Variants in DDX25 observed in about 807,000 individuals in gnomAD.
DDX25 encodes DEAD-box helicase 25.
A neutral mutation model predicts 64.6 loss-of-function variants in DDX25; 70 were observed. That is an observed-to-expected ratio of 1.08 (90% CI 0.89 to 1.32). DDX25 has a LOEUF of 1.32. DDX25 is among the 40% of genes most tolerant of loss of function. The pLI is 0.00. For synonymous variants in DDX25, 211 were observed against 213.3 expected (o/e 0.99, Z 0.09); for missense variants, 587 against 604.4 (o/e 0.97, Z 0.30).
Position 125,907,374 on chromosome 11 carries a change from C to T in DDX25, c.312-822C>T, listed in dbSNP as rs923626651. Among the ~76,000 whole-genome samples the T allele has an allele frequency of 1.2e-3, 180 of 152,192 alleles. 3 individuals are homozygous for T. Among genetic ancestry groups the T allele is most frequent in the Admixed American group, 0.011 (166 of 15,290 alleles). ...CTGTAATCCCAGCACTTTGGGAGGC[C>T]AAGGGGGGCGGATCACGAGGTCAGG... On this transcript the variant is annotated intron_variant, in intron 4 of 11. Coordinates refer to ENST00000263576, the MANE Select transcript of DDX25 (RefSeq NM_013264.5).
rs774961972 is a variant in DDX25, at chr11:125,922,950, A to AT, written c.*76dup. 835 of 1,426,134 alleles carry AT rather than the reference A, an allele frequency of 5.9e-4. No individual in the cohort carries two copies. Among genetic ancestry groups the AT allele is most frequent in the Non-Finnish European group, 7.3e-4 (768 of 1,050,670 alleles). 88.3% of individuals were successfully genotyped at this position (1,426,134 alleles called of 1,614,324 possible). A position where few individuals can be genotyped will look rare whatever the true frequency, so the allele number is the denominator to read the frequency against. On this transcript the variant is annotated 3_prime_UTR_variant, in exon 12 of 12. Transcript: ENST00000263576. ...AATGTCTCAGTGGGTTTTGAAGGTA[A>AT]TTTTTTTATGTTGAGGCTTTTTCGA...
intron 8 of DDX25, among the ~76,000 whole-genome samples, chr11:125,915,738 C>T (rs1176953204): frequency 6.6e-6 from 1 of 152,114 alleles, no homozygotes; most frequent in Non-Finnish European, 1.5e-5. Context: ...TCAGTTCTTT[C>T]CCCCTGATTC....
At chr11:125,913,812 A>C (rs1452319149) in intron 8 of DDX25, among the ~76,000 whole-genome samples, 1 of 152,144 alleles carries the variant, frequency 6.6e-6, no homozygotes, top group East Asian at 1.9e-4. Context: ...CTTTCCCCAA[A>C]GTGACCAACT....
intron 3 of DDX25, 47 bp downstream of exon 3, chr11:125,905,644 G>A (rs765373115): frequency 2.0e-5 from 30 of 1,518,394 alleles, no homozygotes; most frequent in Admixed American, 3.9e-5. Context: ...TTCTGTTTCC[G>A]TTTATAACTT....
Position 125,904,511 on chromosome 11 carries a change from C to T in DDX25, c.-7C>T, listed in dbSNP as rs987103229. 7 of 1,485,636 alleles carry T rather than the reference C, an allele frequency of 4.7e-6. No individual in the cohort carries two copies. Among genetic ancestry groups the T allele is most frequent in the Non-Finnish European group, 4.5e-6 (5 of 1,117,590 alleles). 92.0% of individuals were successfully genotyped at this position (1,485,636 alleles called of 1,614,324 possible). Reference sequence around the variant, plus strand: ...ACGTGCTGGGGGCGGGAGCAGCAATCGCAGCCATGGCGTCGTTACTGTGGG... The same window carrying T: ...ACGTGCTGGGGGCGGGAGCAGCAATTGCAGCCATGGCGTCGTTACTGTGGG... On this transcript the variant is annotated 5_prime_UTR_variant, in exon 1 of 12. Coordinates refer to ENST00000263576, the MANE Select transcript of DDX25 (RefSeq NM_013264.5).
chr11:125,920,721 AGTT>A (rs1429073483), intron 10 of DDX25, among the ~76,000 whole-genome samples: 1 of 152,144 alleles, frequency 6.6e-6, no homozygotes, highest in Non-Finnish European at 1.5e-5. Context: ...CCAGTCTGGA[AGTT>A]GTTGTAACCA....
At chr11:125,908,909 AG>A (rs1356621039) in intron 6 of DDX25, among the ~76,000 whole-genome samples, 1 of 152,130 alleles carries the variant, frequency 6.6e-6, no homozygotes, top group Non-Finnish European at 1.5e-5. Context: ...GATTTAATGA[AG>A]TAATTTACGT....
upstream of DDX25, chr11:125,904,291 GCT>G: frequency 2.8e-6 from 1 of 361,450 alleles, no homozygotes; most frequent in Non-Finnish European, 4.9e-6. Context: ...CCTCCGCCCC[GCT>G]CTCTGCCCTC....
intron 8 of DDX25, among the ~76,000 whole-genome samples, chr11:125,913,215 CCTCT>C (rs1944989894): frequency 6.6e-6 from 1 of 151,776 alleles, no homozygotes; most frequent in South Asian, 2.1e-4. Flanking sequence ...TTCCAAGCTC[CCTCT>C]CTCCAGCTTC....
Position 125,918,807 on chromosome 11 carries a change from A to G in DDX25, c.1201+17A>G, listed in dbSNP as rs1447872216. ...GTGCCCGAGGTGTGTGTTAAAAGTC[A>G]GGTCTTGAGTTCTAATTTGCATATG... On this transcript the variant is annotated intron_variant, in intron 10 of 11. Coordinates refer to ENST00000263576, the MANE Select transcript of DDX25 (RefSeq NM_013264.5). The G allele has an allele frequency of 6.5e-7, 1 of 1,547,332 alleles. No homozygotes were observed. The highest frequency in any genetic ancestry group is 8.7e-7 in the Non-Finnish European group (1 of 1,143,102).
rs1234651154 is a variant in DDX25 at position 125,916,872 on chromosome 11, G to T, written c.801-142G>T. The stretch of plus-strand genomic sequence containing the variant: ...AGGAGGGGCAGGACCTTGGCTATCT[G>T]CCTGGAGATACAGCTGGTCATTGCA... On this transcript the variant is annotated intron_variant, in intron 8 of 11. Coordinates refer to ENST00000263576, the MANE Select transcript of DDX25 (RefSeq NM_013264.5). The T allele has an allele frequency of 1.2e-5, 9 of 760,814 alleles. No individual in the cohort carries two copies. In the East Asian group the frequency reaches 2.4e-4, roughly 21 times the overall value. The allele number at this position is 760,814 out of a possible 1,614,324, so 47.1% of individuals were successfully genotyped here. A position where few individuals can be genotyped will look rare whatever the true frequency, so the allele number is the denominator to read the frequency against.
At position 125,921,261 on chromosome 11, in the gene DDX25, C is replaced by G. The variant is rs369057528; in HGVS notation, c.1272C>G (p.Asp424Glu). 7 of 1,613,138 alleles carry G rather than the reference C, an allele frequency of 4.3e-6. No homozygotes were observed. The highest frequency in any genetic ancestry group is 1.1e-5 in the South Asian group (1 of 90,916). The change falls in exon 11 of 12, where the codon GAC becomes GAG. Residue 424 changes from aspartate (D) to glutamate (E), a missense_variant. Physicochemically the swap from Asp to Glu is conservative, Grantham distance 45 (BLOSUM62 2). Coordinates refer to ENST00000263576, the MANE Select transcript of DDX25 (RefSeq NM_013264.5). This position sits in a 1 kb window ranked among gnomAD's most constrained non-coding sequence, Gnocchi z 4.1. Reference protein sequence around the residue: ...DLPVKQGEEPDYETYLHRIGR... With the variant: ...DLPVKQGEEPEYETYLHRIGR... ...CTGTAAAACAAGGAGAGGAGCCGGA[C>G]TATGAGACCTACCTCCACCGCATAG...
In DDX25 at chr11:125,910,495, C is replaced by A; in HGVS notation, c.622+17C>A. The A allele has an allele frequency of 6.2e-7, 1 of 1,609,890 alleles. No individual in the cohort carries two copies. Among genetic ancestry groups the A allele is most frequent in the South Asian group, 1.1e-5 (1 of 90,838 alleles). ...GGAATCGAAGTATGTACCAGTAAGC[C>A]AGTCCTGGCTGATTTTTCAAATCCT... is the stretch of plus-strand genomic sequence containing the variant. On this transcript the variant is annotated intron_variant, in intron 7 of 11. Transcript: ENST00000263576.
chr11:125,922,770 C>G, intron 11 of DDX25, 50 bp from the exon 12 acceptor site: 1 of 1,499,002 alleles, frequency 6.7e-7, no homozygotes, highest in East Asian at 2.3e-5. Context: ...GAATGAAGTT[C>G]CATTTAGACC....
chr11:125,911,461 T>C lies in DDX25; in HGVS notation c.773T>C (p.Phe258Ser), dbSNP rs368172264. 9.9e-6 allele frequency: 16 copies of C among 1,613,818 alleles called. No homozygotes were observed. Among genetic ancestry groups the C allele is most frequent in the Non-Finnish European group, 1.4e-5 (16 of 1,179,856 alleles). Residue 258 changes from phenylalanine (F) to serine (S), a missense_variant, in exon 8 of 12, where the codon TTC becomes TCC. By Grantham distance (155) the Phe-to-Ser change is radical. Coordinates refer to ENST00000263576, the MANE Select transcript of DDX25 (RefSeq NM_013264.5). ...GATGTGATGATTGACACTCAAGGATTCTCAGATCATAGTATTCGTATTCAA... is the reference window on the plus strand; with the variant it reads ...GATGTGATGATTGACACTCAAGGATCCTCAGATCATAGTATTCGTATTCAA... The part of the protein sequence containing the change: ...EADVMIDTQG[F>S]SDHSIRIQRA...
upstream of DDX25, chr11:125,904,477 G>A: frequency 6.9e-7 from 1 of 1,457,592 alleles, no homozygotes; most frequent in Admixed American, 2.5e-5. Context: ...TCGCGCCGGT[G>A]GTGGAAGCAC....
At chr11:125,914,266 C>T (rs60428297) in intron 8 of DDX25, among the ~76,000 whole-genome samples, 3,880 of 152,236 alleles carry the variant, frequency 0.025, 171 homozygotes, top group African/African-American at 0.084. Flanking sequence ...GCTGGGGCTG[C>T]CACTTGGGAA....
At position 125,917,066 on chromosome 11, in the gene DDX25, T is replaced by C. The variant is rs372660107; in HGVS notation, c.853T>C (p.Ser285Pro). The change falls in exon 9 of 12, where the codon TCT becomes CCT. Residue 285 changes from serine to proline, a missense_variant. Transcript: ENST00000263576. ...MLLFSATFED[S>P]VWHFAERIIP... Reference sequence around the variant, plus strand: ...CCTCTTTTCAGCAACCTTTGAGGACTCTGTGTGGCACTTTGCTGAGCGAAT... The same window carrying C: ...CCTCTTTTCAGCAACCTTTGAGGACCCTGTGTGGCACTTTGCTGAGCGAAT... The C allele has an allele frequency of 6.2e-6, 10 of 1,609,472 alleles. No homozygotes were observed. The African/African-American group carries it at 1.3e-4, about 21-fold the overall frequency.
chr11:125,918,741 TC>T lies in DDX25; in HGVS notation c.1153del (p.Arg385GlyfsTer9). ...AGCGAGCTTCCATCATTCAGAGGTT[TC>T]GGGATGGGAAAGAGAAGGTTCTCAT... ...EQRASIIQRF[R>X]DGKEKVLITT... On this transcript the variant is annotated frameshift_variant, in exon 10 of 12. Transcript: ENST00000263576. LOFTEE classifies it high-confidence loss of function. The T allele has an allele frequency of 6.2e-7, 1 of 1,610,640 alleles. No individual in the cohort carries two copies.
Sources: gnomAD v4.1 joint callset for allele counts (sites outside exome capture counted in the v4.1 genomes callset) on GRCh38, gnomAD v4.1.1 for gene constraint, Gnocchi (gnomAD v3.1) non-coding constraint, MANE v1.5 for transcripts, NCBI Gene and HGNC (gene_info 2026-07-23, HGNC 2026-07-21) for gene names.